Variants in AIG1 observed in about 807,000 individuals in gnomAD.
The protein encoded by AIG1 is androgen induced 1.
In AIG1, 23 loss-of-function variants were observed where a neutral mutation model predicts 31.4. The observed-to-expected ratio is 0.73, with a 90% confidence interval of 0.53 to 1.04. AIG1 has a LOEUF of 1.04. AIG1 is among the 50% of genes least tolerant of loss of function. The pLI is 0.00. For synonymous variants in AIG1, 100 were observed against 110.5 expected (o/e 0.90, Z 0.60); for missense variants, 274 against 295.0 (o/e 0.93, Z 0.52).
intron 1 of AIG1, among the ~76,000 whole-genome samples, chr6:143,089,329 A>C (rs1779094186): frequency 6.6e-6 from 1 of 152,202 alleles, no homozygotes; most frequent in African/African-American, 2.4e-5. Context: ...AGACTTTATA[A>C]TATAAGGGAT....
chr6:143,305,409 A>G (rs1799195558), intron 4 of AIG1, among the ~76,000 whole-genome samples: 3 of 151,894 alleles, frequency 2.0e-5, no homozygotes, highest in Admixed American at 1.3e-4. Context: ...TGTCCCAGAG[A>G]TTCTGGTATG....
intron 1 of AIG1, among the ~76,000 whole-genome samples, chr6:143,119,417 C>A (rs1388748844): frequency 6.6e-6 from 1 of 152,144 alleles, no homozygotes; most frequent in Non-Finnish European, 1.5e-5. Context: ...AAGTCCACTT[C>A]TGAATTGTGG....
At chr6:143,189,694 T>C in intron 3 of AIG1, 1 of 985,404 alleles carries the variant, frequency 1.0e-6, no homozygotes, top group Non-Finnish European at 1.2e-6. Context: ...TACCTAAATG[T>C]TTTTAACTGA....
chr6:143,072,777 A>G (rs1777409242), intron 1 of AIG1, among the ~76,000 whole-genome samples: 1 of 152,232 alleles, frequency 6.6e-6, no homozygotes, highest in Non-Finnish European at 1.5e-5. Flanking sequence ...GGTATACAAC[A>G]TGATGTTATG....
chr6:143,188,047 C>A, intron 3 of AIG1: 1 of 1,076,644 alleles, frequency 9.3e-7, no homozygotes, highest in Non-Finnish European at 1.1e-6. Flanking sequence ...TTTTAAAAAA[C>A]ATTTGCTGAA....
At chr6:143,110,661 G>A (rs1781185034) in intron 1 of AIG1, among the ~76,000 whole-genome samples, 1 of 152,196 alleles carries the variant, frequency 6.6e-6, no homozygotes, top group Non-Finnish European at 1.5e-5. Flanking sequence ...AAGAGAGGAA[G>A]TGCCCTTGAA....
chr6:143,113,096 GA>G (rs1781428316), intron 1 of AIG1, among the ~76,000 whole-genome samples: 1 of 151,946 alleles, frequency 6.6e-6, no homozygotes, highest in African/African-American at 2.4e-5. Context: ...ACTGAGGTGG[GA>G]AGATGGCTTG....
chr6:143,102,092 G>C lies in AIG1; in HGVS notation c.142-34743G>C, dbSNP rs954278777. Among the ~76,000 whole-genome samples, 3 of 152,096 alleles carry C rather than the reference G, an allele frequency of 2.0e-5. No individual in the cohort carries two copies. In the East Asian group the frequency reaches 5.8e-4, roughly 29 times the overall value. ...GTGTAAGAGTAAAGTGATGTTTTTT[G>C]CTGTTGTAGAATATGTTCATCCCTA... On this transcript the variant is annotated intron_variant, in intron 1 of 5. Coordinates refer to ENST00000357847, the MANE Select transcript of AIG1 (RefSeq NM_016108.4).
intron 3 of AIG1, among the ~76,000 whole-genome samples, chr6:143,208,572 A>G (rs994374426): frequency 2.6e-5 from 4 of 152,210 alleles, no homozygotes; most frequent in Non-Finnish European, 5.9e-5. Context: ...GGAAGGCTGT[A>G]ATTTAGTGAG....
At position 143,298,092 on chromosome 6, in the gene AIG1, A is replaced by G. The variant is rs1003765665; in HGVS notation, c.515+13867A>G. ...AAAAAAAAAAAACATTGGATAAGAA[A>G]GAAAATGGAGTCCTAGAGCCTGGGT... is the stretch of plus-strand genomic sequence containing the variant. On this transcript the variant is annotated intron_variant, in intron 4 of 5. Coordinates refer to ENST00000357847, the MANE Select transcript of AIG1 (RefSeq NM_016108.4). This position sits in a 1 kb window ranked among gnomAD's most constrained non-coding sequence, Gnocchi z 5.1. 2.0e-5 allele frequency among the ~76,000 whole-genome samples: 3 copies of G among 152,152 alleles called. No homozygotes were observed. The highest frequency in any genetic ancestry group is 4.4e-5 in the Non-Finnish European group (3 of 68,020).
intron 1 of AIG1, among the ~76,000 whole-genome samples, chr6:143,121,871 C>T (rs1215076567): frequency 3.3e-5 from 5 of 152,114 alleles, no homozygotes; most frequent in African/African-American, 7.2e-5. Flanking sequence ...TGTTTTTCCT[C>T]GCTATCTTTA....
intron 1 of AIG1, among the ~76,000 whole-genome samples, chr6:143,127,045 T>TTATA (rs1488375983): frequency 1.3e-5 from 2 of 152,154 alleles, no homozygotes; most frequent in Non-Finnish European, 2.9e-5. Flanking sequence ...ATATGTGACT[T>TTATA]TTATAGAGAG....
In AIG1 at chr6:143,069,649, A is replaced by T. The variant is rs1017589832; in HGVS notation, c.141+8583A>T. Among the ~76,000 whole-genome samples, 12 of 152,312 alleles carry T rather than the reference A, an allele frequency of 7.9e-5. No homozygotes were observed. In the East Asian group the frequency reaches 2.1e-3, roughly 27 times the overall value. ...TTTGTGAAGTTTGCCCATTTAAAAA[A>T]TACTGGGTTGTTTTATTATTATTAA... On this transcript the variant is annotated intron_variant, in intron 1 of 5. Coordinates refer to ENST00000357847, the MANE Select transcript of AIG1 (RefSeq NM_016108.4).
chr6:143,316,373 A>G (rs1236674847), intron 4 of AIG1, among the ~76,000 whole-genome samples: 2 of 152,140 alleles, frequency 1.3e-5, no homozygotes, highest in Non-Finnish European at 2.9e-5. Context: ...ACTGGAAACA[A>G]AATTTTTGAC....
intron 3 of AIG1, among the ~76,000 whole-genome samples, chr6:143,227,041 T>C (rs1793027982): frequency 6.6e-6 from 1 of 151,616 alleles, no homozygotes; most frequent in Non-Finnish European, 1.5e-5. Context: ...TAGTATAGTT[T>C]ATGTGTGACC....
At chr6:143,252,116 G>T (rs992769589) in intron 3 of AIG1, among the ~76,000 whole-genome samples, 4 of 151,988 alleles carry the variant, frequency 2.6e-5, no homozygotes, top group African/African-American at 9.7e-5. Context: ...TTTTCATCTT[G>T]TTTTGTTTTG....
At chr6:143,302,309 G>C (rs1389429576) in intron 4 of AIG1, among the ~76,000 whole-genome samples, 16 of 151,042 alleles carry the variant, frequency 1.1e-4, no homozygotes, top group East Asian at 7.8e-4. Context: ...TGCCATGCTG[G>C]TGTGCTGCAC....
chr6:143,123,812 A>C (rs1297312287), intron 1 of AIG1, among the ~76,000 whole-genome samples: 1 of 152,228 alleles, frequency 6.6e-6, no homozygotes, highest in East Asian at 1.9e-4. Context: ...TCAGCCATTC[A>C]CTGTAGCCTT....
intron 1 of AIG1, among the ~76,000 whole-genome samples, chr6:143,107,425 T>C (rs1780900820): frequency 6.6e-6 from 1 of 152,210 alleles, no homozygotes; most frequent in Non-Finnish European, 1.5e-5. Flanking sequence ...ATCTGTCTTC[T>C]AGATTGTAGA....
Sources: allele counts gnomAD v4.1 joint callset (sites outside exome capture counted in the v4.1 genomes callset), GRCh38; gene constraint gnomAD v4.1.1; non-coding constraint Gnocchi (gnomAD v3.1); transcripts MANE v1.5; gene names NCBI Gene and HGNC (gene_info 2026-07-23, HGNC 2026-07-21).